Variants in TANC2 observed in about 807,000 individuals in gnomAD.
The protein encoded by TANC2 is protein TANC2.
TANC2 carries 26 observed loss-of-function variants against 210.5 expected under a neutral mutation model. That is an observed-to-expected ratio of 0.12 (90% CI 0.09 to 0.17). The LOEUF is 0.17. Ranked by LOEUF, TANC2 falls within the 10% of genes least tolerant of loss-of-function variation. The pLI, the probability that TANC2 is intolerant of heterozygous loss-of-function variation, is 1.00. For missense variants in TANC2, 2,129 were observed against 2,608.9 expected (o/e 0.82, Z 4.01); for synonymous variants, 931 against 967.1 (o/e 0.96, Z 0.69).
chr17:63,252,763 G>A (rs1418063317), intron 8 of TANC2, among the ~76,000 whole-genome samples: 1 of 151,984 alleles, frequency 6.6e-6, no homozygotes, highest in Non-Finnish European at 1.5e-5. Flanking sequence ...TTGTGTGTAT[G>A]TACCACATTT....
At chr17:63,288,775 T>C (rs183088658) in intron 9 of TANC2, among the ~76,000 whole-genome samples, 5 of 152,356 alleles carry the variant, frequency 3.3e-5, no homozygotes, top group Admixed American at 6.5e-5. Context: ...CCTTCACTTA[T>C]TCCTTCTTTA....
chr17:63,227,940 G>A (rs2042371628), intron 7 of TANC2, among the ~76,000 whole-genome samples: 1 of 151,726 alleles, frequency 6.6e-6, no homozygotes, highest in Non-Finnish European at 1.5e-5. Context: ...CTCGGCTCAC[G>A]GCAACCTCCG....
chr17:63,093,143 G>A (rs1286438215), intron 3 of TANC2, among the ~76,000 whole-genome samples: 1 of 151,830 alleles, frequency 6.6e-6, no homozygotes, highest in African/African-American at 2.4e-5. Flanking sequence ...TCCTTTGTAA[G>A]AAATCTACCT....
At chr17:63,183,791 G>A (rs559882697) in intron 5 of TANC2, among the ~76,000 whole-genome samples, 1 of 152,308 alleles carries the variant, frequency 6.6e-6, no homozygotes, top group East Asian at 1.9e-4. Context: ...GCCGAGGTGG[G>A]CGGATCACGA....
At chr17:63,273,264 G>A (rs2043770828) in intron 9 of TANC2, among the ~76,000 whole-genome samples, 1 of 152,124 alleles carries the variant, frequency 6.6e-6, no homozygotes, top group African/African-American at 2.4e-5. Context: ...CTGCACTCCA[G>A]TCTGGGTGAT....
intron 4 of TANC2, among the ~76,000 whole-genome samples, chr17:63,119,742 CCATGG>C (rs1386333507): frequency 6.6e-6 from 1 of 152,116 alleles, no homozygotes; most frequent in Non-Finnish European, 1.5e-5. Context: ...AGGCCGGGTG[CCATGG>C]CTCACACCTG....
At position 63,421,192 on chromosome 17, in the gene TANC2, G is replaced by C. The variant is rs145164118; in HGVS notation, c.5462G>C (p.Arg1821Pro). The change falls in exon 28 of 28, where the codon CGC becomes CCC. Residue 1821 changes from arginine (R) to proline (P), a missense_variant. Arg to Pro is a moderately radical substitution (Grantham distance 103, BLOSUM62 -2). Coordinates refer to ENST00000689528, the Ensembl canonical transcript of TANC2. The surrounding 1 kb of genome is among the most constrained non-coding windows in gnomAD (Gnocchi z 6.9). ...TGTCACTCAAAACTAGATCTGGAGC[G>C]CTCCTCCAGCCAACTAGGTTCCCCT... 9 of 1,613,862 alleles carry C rather than the reference G, an allele frequency of 5.6e-6. No individual in the cohort carries two copies. Among genetic ancestry groups the C allele is most frequent in the Non-Finnish European group, 7.6e-6 (9 of 1,179,902 alleles).
chr17:63,257,190 A>AT lies in TANC2; in HGVS notation c.1034-10550dup, dbSNP rs201145258. ...AAAGACTTACTCCTGCCATTTTGTT[A>AT]TTTTTTTTCTCATTGTTTTGTGTTC... On this transcript the variant is annotated intron_variant, in intron 8 of 27. Transcript: ENST00000689528. Among the ~76,000 whole-genome samples, 565 of 139,694 alleles carry AT rather than the reference A, an allele frequency of 4.0e-3. 3 individuals carry two copies. Among genetic ancestry groups the AT allele is most frequent in the Non-Finnish European group, 6.8e-3 (434 of 64,070 alleles). The allele number at this position is 139,694 out of a possible 152,430, so 91.6% of individuals were successfully genotyped here.
At chr17:63,426,780 C>CT (rs1044784020) in exon 28 of TANC2, 3 of 152,408 alleles carry the variant, frequency 2.0e-5, no homozygotes, top group Admixed American at 2.0e-4. Flanking sequence ...TAGACCTACT[C>CT]TGTGGAACGG....
intron 3 of TANC2, among the ~76,000 whole-genome samples, chr17:63,085,123 C>A (rs990345423): frequency 6.6e-6 from 1 of 152,116 alleles, no homozygotes; most frequent in African/African-American, 2.4e-5. Flanking sequence ...CCGTGTAGTT[C>A]TATCCATTTT....
At chr17:63,401,373 CTATG>C (rs751905254) in intron 19 of TANC2, among the ~76,000 whole-genome samples, 35 of 152,310 alleles carry the variant, frequency 2.3e-4, no homozygotes, top group Admixed American at 1.2e-3. Context: ...CTTTAAGAAA[CTATG>C]TAGCCATTAT....
At chr17:63,226,151 T>G (rs112271092) in intron 7 of TANC2, among the ~76,000 whole-genome samples, 119 of 152,368 alleles carry the variant, frequency 7.8e-4, no homozygotes, top group Non-Finnish European at 1.5e-3. Context: ...TGATTTCTCC[T>G]GTTTTTGCAT....
At chr17:62,972,394 A>G (rs904354358) in intron 1 of TANC2, among the ~76,000 whole-genome samples, 20 of 152,124 alleles carry the variant, frequency 1.3e-4, no homozygotes, top group South Asian at 1.2e-3. Flanking sequence ...GTCTTTATTC[A>G]CTACATGGTT....
intron 3 of TANC2, among the ~76,000 whole-genome samples, chr17:63,077,952 T>C (rs898395595): frequency 2.6e-5 from 4 of 152,188 alleles, no homozygotes; most frequent in Non-Finnish European, 5.9e-5. Flanking sequence ...ACATGGAATA[T>C]TGACTTTTCA....
intron 4 of TANC2, among the ~76,000 whole-genome samples, chr17:63,115,841 T>A (rs954059463): frequency 6.6e-6 from 1 of 152,284 alleles, no homozygotes; most frequent in South Asian, 2.1e-4. Context: ...GTCAGAGTAG[T>A]TAGGTGCCTT....
chr17:63,153,655 G>T (rs2039735577), intron 5 of TANC2: 1 of 152,124 alleles, frequency 6.6e-6, no homozygotes, highest in Non-Finnish European at 1.5e-5. Context: ...GGCTGCTGCA[G>T]GCTACTCACT....
intron 8 of TANC2, among the ~76,000 whole-genome samples, chr17:63,251,385 G>A (rs1948181422): frequency 1.3e-5 from 2 of 152,224 alleles, no homozygotes; most frequent in Admixed American, 6.5e-5. Flanking sequence ...AGATCCAAAT[G>A]ACTGTGAGGA....
chr17:63,275,501 A>G (rs2043845474), intron 9 of TANC2, among the ~76,000 whole-genome samples: 1 of 152,168 alleles, frequency 6.6e-6, no homozygotes, highest in East Asian at 1.9e-4. Context: ...ATCCTTTATG[A>G]TGATGACTAA....
Position 63,213,172 on chromosome 17 carries a change from G to A in TANC2, c.769+12215G>A, listed in dbSNP as rs148632156. On this transcript the variant is annotated intron_variant, in intron 7 of 27. Coordinates refer to ENST00000689528, the Ensembl canonical transcript of TANC2. Reference sequence around the variant, plus strand: ...AATGTTTCAGTGTTTGGAGCCTACCGTATGTGCTCATGGTCTGTCAGAGAA... The same window carrying A: ...AATGTTTCAGTGTTTGGAGCCTACCATATGTGCTCATGGTCTGTCAGAGAA... 7.7e-4 allele frequency among the ~76,000 whole-genome samples: 117 copies of A among 152,254 alleles called. 1 individual carries two copies. Among genetic ancestry groups the A allele is most frequent in the East Asian group, 6.6e-3 (34 of 5,176 alleles).
Sources: allele counts gnomAD v4.1 joint callset (sites outside exome capture counted in the v4.1 genomes callset), GRCh38; gene constraint gnomAD v4.1.1; non-coding constraint Gnocchi (gnomAD v3.1); transcripts MANE v1.5; gene names NCBI Gene and HGNC (gene_info 2026-07-23, HGNC 2026-07-21).